OTOF: variants seen among roughly 807,000 people sequenced by gnomAD.
OTOF encodes the protein otoferlin, also known as fer-1-like family member 2.
A neutral mutation model predicts 236.8 loss-of-function variants in OTOF; 218 were observed. That is an observed-to-expected ratio of 0.92 (90% CI 0.82 to 1.03). The LOEUF is 1.03. OTOF is among the 50% of genes least tolerant of loss of function. The probability of loss-of-function intolerance (pLI) is 0.00; values close to 1 mark genes in which losing one functional copy is unlikely to be tolerated. For missense variants in OTOF, 2,590 were observed against 2,694.4 expected, an observed-to-expected ratio of 0.96 and a Z score of 0.86; for synonymous variants, 1,041 against 1,072.5, an observed-to-expected ratio of 0.97 and a Z score of 0.57.
At position 26,462,615 on chromosome 2, in the gene OTOF, C is replaced by T. The variant is rs1664533652; in HGVS notation, c.5193-434G>A. On this transcript the variant is annotated intron_variant, in intron 41 of 46. Transcript: ENST00000272371. This position sits in a 1 kb window ranked among gnomAD's most constrained non-coding sequence, Gnocchi z 4.7. ...TCACTAAAAATTGATCTGAGCATGGCTCTCCTGGGATTGCAGACAGGGCTG... is the reference window on the plus strand; with the variant it reads ...TCACTAAAAATTGATCTGAGCATGGTTCTCCTGGGATTGCAGACAGGGCTG... Among the ~76,000 whole-genome samples the T allele has an allele frequency of 6.6e-6, 1 of 152,214 alleles. No homozygotes were observed. The highest frequency in any genetic ancestry group is 6.5e-5 in the Admixed American group (1 of 15,282).
At chr2:26,544,735 T>A (rs1250666692) in intron 1 of OTOF, among the ~76,000 whole-genome samples, 1 of 152,162 alleles carries the variant, frequency 6.6e-6, no homozygotes, top group East Asian at 1.9e-4. Context: ...ATAGGTACCC[T>A]TAGCTTTATA....
chr2:26,550,044 CT>C (rs1345590041), intron 1 of OTOF, among the ~76,000 whole-genome samples: 4 of 151,636 alleles, frequency 2.6e-5, no homozygotes, highest in Non-Finnish European at 5.9e-5. Context: ...CTCTTTTACT[CT>C]CCGATAGGGT....
rs1262992123 is a variant in OTOF, at chr2:26,470,870, A to AT, written c.3895-150dup. ...ACCCATGTCCAAGGGGCAGGGCCTT[A>AT]TTTTATGGAGAAGGTGCCACAGGCC... On this transcript the variant is annotated intron_variant, in intron 31 of 46. Coordinates refer to ENST00000272371, the MANE Select transcript of OTOF (RefSeq NM_194248.3). This position sits in a 1 kb window ranked among gnomAD's most constrained non-coding sequence, Gnocchi z 4.3. 7.0e-7 allele frequency: 1 copy of AT among 1,436,642 alleles called. No individual in the cohort carries two copies. Among genetic ancestry groups the AT allele is most frequent in the Non-Finnish European group, 9.4e-7 (1 of 1,059,182 alleles). 89.0% of individuals were successfully genotyped at this position (1,436,642 alleles called of 1,614,324 possible). A position where few individuals can be genotyped will look rare whatever the true frequency, so the allele number is the denominator to read the frequency against.
rs745760120 is a variant in OTOF at position 26,473,114 on chromosome 2, G to A, written c.3733+18C>T. The A allele has an allele frequency of 1.2e-6, 2 of 1,607,568 alleles. No individual in the cohort carries two copies. Among genetic ancestry groups the A allele is most frequent in the South Asian group, 2.2e-5 (2 of 90,902 alleles). ...GGGCGTGGAGCCAGGCTTGGTGGCA[G>A]GGTGGATGTGGCCATACCCGTGGTG... On this transcript the variant is annotated intron_variant, in intron 29 of 46. Transcript: ENST00000272371. This position sits in a 1 kb window ranked among gnomAD's most constrained non-coding sequence, Gnocchi z 7.2.
intron 1 of OTOF, among the ~76,000 whole-genome samples, chr2:26,554,131 G>A (rs1202806102): frequency 7.7e-6 from 1 of 129,644 alleles, no homozygotes; most frequent in Non-Finnish European, 1.5e-5. Flanking sequence ...AGATCGCACT[G>A]CACTGCACTC....
intron 8 of OTOF, 24 bp downstream of exon 8, chr2:26,501,730 T>A: frequency 6.4e-7 from 1 of 1,572,848 alleles, no homozygotes; most frequent in Non-Finnish European, 8.8e-7. Flanking sequence ...CTGAAAGACA[T>A]GAGGCCTCCA....
chr2:26,553,937 C>A (rs1667524129), intron 1 of OTOF, among the ~76,000 whole-genome samples: 1 of 152,092 alleles, frequency 6.6e-6, no homozygotes, highest in African/African-American at 2.4e-5. Context: ...CTTTGGGAGG[C>A]CGAGGCAGGC....
At position 26,470,577 on chromosome 2, in the gene OTOF, C is replaced by G. The variant is rs770430604; in HGVS notation, c.4023+16G>C. 6.2e-7 allele frequency: 1 copy of G among 1,613,926 alleles called. No individual in the cohort carries two copies. Among genetic ancestry groups the G allele is most frequent in the Non-Finnish European group, 8.5e-7 (1 of 1,179,878 alleles). On this transcript the variant is annotated intron_variant, in intron 32 of 46. Transcript: ENST00000272371. This position sits in a 1 kb window ranked among gnomAD's most constrained non-coding sequence, Gnocchi z 4.3. Reference sequence around the variant, plus strand: ...GTGGAGGGGGTCACCTCCCCTCACCCTACCCGAGGTCTCACCTCCTTCATG... The same window carrying G: ...GTGGAGGGGGTCACCTCCCCTCACCGTACCCGAGGTCTCACCTCCTTCATG...
At position 26,473,118 on chromosome 2, in the gene OTOF, G is replaced by T. The variant is rs779857874; in HGVS notation, c.3733+14C>A. 2.5e-6 allele frequency: 4 copies of T among 1,608,636 alleles called. No individual in the cohort carries two copies. The highest frequency in any genetic ancestry group is 3.4e-6 in the Non-Finnish European group (4 of 1,177,688). On this transcript the variant is annotated intron_variant, in intron 29 of 46. Coordinates refer to ENST00000272371, the MANE Select transcript of OTOF (RefSeq NM_194248.3). This position sits in a 1 kb window ranked among gnomAD's most constrained non-coding sequence, Gnocchi z 7.2. ...GTGGAGCCAGGCTTGGTGGCAGGGT[G>T]GATGTGGCCATACCCGTGGTGTTCC... is the stretch of plus-strand genomic sequence containing the variant.
In OTOF at chr2:26,480,794, T is replaced by A. The variant is rs374972401; in HGVS notation, c.1795A>T (p.Ile599Phe). The change falls in exon 15 of 47, where the codon ATC (isoleucine) becomes TTC (phenylalanine). Residue 599 changes from isoleucine (I) to phenylalanine (F), a missense_variant. Physicochemically the swap from Ile to Phe is conservative, Grantham distance 21 (BLOSUM62 0). Around this residue, in one of 2 missense-constraint regions of OTOF, gnomAD observed 1,379 missense variants for 1,341.6 expected, o/e 1.03. Transcript: ENST00000272371. Reference sequence around the variant, plus strand: ...AGTGCCTGGGGTCTCACCTCCGAGATGGGCGTGGCCTGCTCCACCTGCACC... The same window carrying A: ...AGTGCCTGGGGTCTCACCTCCGAGAAGGGCGTGGCCTGCTCCACCTGCACC... ...TEVQVEQATP[I>F]SESCAGKMEE... 9 of 1,611,396 alleles carry A rather than the reference T, an allele frequency of 5.6e-6. No individual in the cohort carries two copies. The highest frequency in any genetic ancestry group is 1.7e-5 in the Admixed American group (1 of 59,926).
intron 9 of OTOF, among the ~76,000 whole-genome samples, chr2:26,490,580 G>T (rs756854943): frequency 6.6e-6 from 1 of 152,194 alleles, no homozygotes; most frequent in Non-Finnish European, 1.5e-5. Context: ...TTTCCAATGT[G>T]CTTGGGGTAA....
At chr2:26,552,300 G>T (rs1028718474) in intron 1 of OTOF, among the ~76,000 whole-genome samples, 1 of 152,156 alleles carries the variant, frequency 6.6e-6, no homozygotes, top group African/African-American at 2.4e-5. Context: ...TGAGGTGGGA[G>T]CATCGCTTGA....
At chr2:26,530,573 T>G (rs35373310) in intron 2 of OTOF, among the ~76,000 whole-genome samples, 27 of 152,058 alleles carry the variant, frequency 1.8e-4, no homozygotes, top group Admixed American at 6.5e-4. Context: ...CACCTTACAG[T>G]TTCCTTTCTT....
chr2:26,498,395 G>A (rs1425966328), intron 8 of OTOF, among the ~76,000 whole-genome samples: 6 of 152,200 alleles, frequency 3.9e-5, no homozygotes, highest in African/African-American at 7.2e-5. Context: ...TGGGGGAAGG[G>A]GAATGCCATT....
chr2:26,529,563 T>C (rs74499860), intron 2 of OTOF, among the ~76,000 whole-genome samples: 1,619 of 152,150 alleles, frequency 0.011, 46 homozygotes, highest in African/African-American at 0.036. Context: ...GGGAGGAGGC[T>C]TCTGTGAGCC....
At chr2:26,466,636 C>T (rs574289065) in intron 36 of OTOF, 78 bp downstream of exon 36, 2 of 1,546,340 alleles carry the variant, frequency 1.3e-6, no homozygotes, top group African/African-American at 1.4e-5. Context: ...TGCACCTGGC[C>T]AGTATGCAGC....
intron 8 of OTOF, among the ~76,000 whole-genome samples, chr2:26,499,732 C>T (rs1181039900): frequency 1.3e-5 from 2 of 151,996 alleles, no homozygotes; most frequent in African/African-American, 4.8e-5. Flanking sequence ...GCTGGTCTTG[C>T]AATCCACTCA....
intron 7 of OTOF, 71 bp from the exon 8 acceptor site, chr2:26,501,879 G>T: frequency 1.8e-6 from 2 of 1,092,958 alleles, no homozygotes; most frequent in Non-Finnish European, 2.8e-6. Flanking sequence ...CACTGGCAGT[G>T]GTTAGACCTG....
At chr2:26,515,513 G>T (rs895005895) in intron 5 of OTOF, among the ~76,000 whole-genome samples, 1 of 152,302 alleles carries the variant, frequency 6.6e-6, no homozygotes, top group East Asian at 1.9e-4. Flanking sequence ...AAACATATTT[G>T]TCCCATAAAA....
Sources: gnomAD v4.1 joint callset for allele counts (sites outside exome capture counted in the v4.1 genomes callset) on GRCh38, gnomAD v4.1.1 for gene constraint, gnomAD v4.1.1 regional missense constraint, Gnocchi (gnomAD v3.1) non-coding constraint, MANE v1.5 for transcripts, NCBI Gene and HGNC (gene_info 2026-07-23, HGNC 2026-07-21) for gene names.